Variants in SCRG1 observed in about 807,000 individuals in gnomAD.
SCRG1 encodes the protein stimulator of chondrogenesis 1, also known as scrapie-responsive protein 1.
Under a neutral mutation model 7.7 loss-of-function variants are expected in SCRG1, and 3 were observed. The ratio of observed to expected loss-of-function variants is 0.39; its 90% CI spans 0.18 to 1.01. SCRG1 has a LOEUF of 1.01. Among genes scored for constraint, SCRG1 ranks in the 50% least tolerant of loss-of-function variants. SCRG1 has a pLI of 0.36. For synonymous variants in SCRG1, 46 were observed against 41.2 expected (o/e 1.12, Z -0.44); for missense variants, 110 against 117.2 (o/e 0.94, Z 0.28).
the SCRG1 span, among the ~76,000 whole-genome samples, chr4:173,504,323 G>A: frequency 6.6e-6 from 1 of 152,164 alleles, no homozygotes; most frequent in Non-Finnish European, 1.5e-5. This position sits in a 1 kb window ranked among gnomAD's most constrained non-coding sequence, Gnocchi z 4.7. Context: ...TCCTCCGGTA[G>A]CCGTATGGGG....
chr4:173,512,374 T>C, the SCRG1 span, among the ~76,000 whole-genome samples: 16 of 152,212 alleles, frequency 1.1e-4, no homozygotes, highest in Admixed American at 4.6e-4. Context: ...TGTTATTACT[T>C]CATCTTGTAT....
the SCRG1 span, among the ~76,000 whole-genome samples, chr4:173,466,532 C>T: frequency 2.0e-5 from 3 of 152,068 alleles, no homozygotes; most frequent in Admixed American, 6.6e-5. Flanking sequence ...TAAGGGAGAC[C>T]AGGATTCCAA....
At chr4:173,476,363 A>AAAAAAATATATATATATATATATAT in the SCRG1 span, among the ~76,000 whole-genome samples, 318 of 98,376 alleles carry the variant, frequency 3.2e-3, 3 homozygotes, top group East Asian at 0.012. Flanking sequence ...GGAAAAAAAA[A>AAAAAAATATATATATATATATATAT]ATATATATAT....
the SCRG1 span, among the ~76,000 whole-genome samples, chr4:173,476,363 A>AAATATATATATATATATATATAT: frequency 1.9e-3 from 191 of 98,416 alleles, 1 homozygote; most frequent in African/African-American, 5.6e-3. Context: ...GGAAAAAAAA[A>AAATATATATATATATATATATAT]ATATATATAT....
chr4:173,446,940 A>G, the SCRG1 span, among the ~76,000 whole-genome samples: 1 of 152,246 alleles, frequency 6.6e-6, no homozygotes, highest in Non-Finnish European at 1.5e-5. Flanking sequence ...AAAATGAACC[A>G]TGTGAGACAG....
At chr4:173,422,430 A>T in the SCRG1 span, among the ~76,000 whole-genome samples, 1 of 152,222 alleles carries the variant, frequency 6.6e-6, no homozygotes, top group South Asian at 2.1e-4. Context: ...TTAAGGATTT[A>T]TAGAGTGACT....
the SCRG1 span, among the ~76,000 whole-genome samples, chr4:173,502,204 C>G: frequency 8.3e-6 from 1 of 120,814 alleles, no homozygotes; most frequent in Non-Finnish European, 1.7e-5. The surrounding 1 kb of genome is among the most constrained non-coding windows in gnomAD (Gnocchi z 4.6). Flanking sequence ...TTGGAATTCC[C>G]TTTATGGTGG....
the SCRG1 span, among the ~76,000 whole-genome samples, chr4:173,442,779 TG>T: frequency 6.6e-6 from 1 of 152,056 alleles, no homozygotes; most frequent in African/African-American, 2.4e-5. Flanking sequence ...CAAAGAGAAA[TG>T]GGGTCTGAAC....
At chr4:173,502,977 G>C in the SCRG1 span, among the ~76,000 whole-genome samples, 1 of 152,170 alleles carries the variant, frequency 6.6e-6, no homozygotes, top group African/African-American at 2.4e-5. This position sits in a 1 kb window ranked among gnomAD's most constrained non-coding sequence, Gnocchi z 4.6. Context: ...TGCACAGTGG[G>C]ACTCACGAAG....
the SCRG1 span, among the ~76,000 whole-genome samples, chr4:173,501,155 C>T: frequency 6.6e-6 from 1 of 152,190 alleles, no homozygotes; most frequent in Non-Finnish European, 1.5e-5. The surrounding 1 kb of genome is among the most constrained non-coding windows in gnomAD (Gnocchi z 5.1). Context: ...TCCGAGCTCC[C>T]GCTGCTTCCG....
At chr4:173,417,897 C>T in the SCRG1 span, among the ~76,000 whole-genome samples, 1 of 152,098 alleles carries the variant, frequency 6.6e-6, no homozygotes, top group African/African-American at 2.4e-5. Context: ...TCTATAAGGA[C>T]CTGTTCATTC....
chr4:173,499,970 G>C, the SCRG1 span, among the ~76,000 whole-genome samples: 9 of 152,194 alleles, frequency 5.9e-5, no homozygotes, highest in Admixed American at 4.6e-4. This position sits in a 1 kb window ranked among gnomAD's most constrained non-coding sequence, Gnocchi z 4.1. Flanking sequence ...CTGCGCCTAA[G>C]TACTACAGAC....
the SCRG1 span, among the ~76,000 whole-genome samples, chr4:173,510,415 G>T: frequency 1.9e-5 from 2 of 105,738 alleles, no homozygotes; most frequent in South Asian, 6.9e-4. The surrounding 1 kb of genome is among the most constrained non-coding windows in gnomAD (Gnocchi z 5.7). Flanking sequence ...TAGGACCCAG[G>T]CCAAAACCAT....
chr4:173,456,151 C>G, the SCRG1 span, among the ~76,000 whole-genome samples: 1 of 152,182 alleles, frequency 6.6e-6, no homozygotes, highest in Non-Finnish European at 1.5e-5. Context: ...TGCAATAGGA[C>G]TCGAGCAGCT....
the SCRG1 span, among the ~76,000 whole-genome samples, chr4:173,514,809 GCTA>G: frequency 6.6e-6 from 1 of 152,190 alleles, no homozygotes; most frequent in Admixed American, 6.5e-5. Context: ...CATAGTCCCA[GCTA>G]ATAAACAACT....
At chr4:173,434,647 A>T in the SCRG1 span, among the ~76,000 whole-genome samples, 1 of 152,184 alleles carries the variant, frequency 6.6e-6, no homozygotes, top group Non-Finnish European at 1.5e-5. Flanking sequence ...CCTGGCCAAC[A>T]TGATGAAACC....
At chr4:173,459,144 T>C in the SCRG1 span, among the ~76,000 whole-genome samples, 84 of 152,280 alleles carry the variant, frequency 5.5e-4, no homozygotes, top group African/African-American at 2.0e-3. Context: ...TAAAGGGAGA[T>C]ATAGACTCCA....
the SCRG1 span, among the ~76,000 whole-genome samples, chr4:173,483,850 A>G: frequency 9.9e-6 from 1 of 100,754 alleles, no homozygotes; most frequent in Non-Finnish European, 1.7e-5. Context: ...TATATAATAT[A>G]TATTTCATAT....
the SCRG1 span, among the ~76,000 whole-genome samples, chr4:173,518,777 A>G: frequency 6.6e-6 from 1 of 152,146 alleles, no homozygotes; most frequent in Non-Finnish European, 1.5e-5. Context: ...GCAAAGACGG[A>G]TGGCTGGCAG....
Sources: allele counts gnomAD v4.1 joint callset (sites outside exome capture counted in the v4.1 genomes callset), GRCh38; gene constraint gnomAD v4.1.1; non-coding constraint Gnocchi (gnomAD v3.1); transcripts MANE v1.5; gene names NCBI Gene and HGNC (gene_info 2026-07-23, HGNC 2026-07-21).